Variants in PPIF observed in about 807,000 individuals in gnomAD.
PPIF encodes peptidylprolyl isomerase F, also known as peptidyl-prolyl cis-trans isomerase F, mitochondrial.
PPIF carries 23 observed loss-of-function variants against 20.2 expected under a neutral mutation model. The observed-to-expected ratio is 1.14, with a 90% CI of 0.82 to 1.61. The LOEUF is 1.61. Among genes scored for constraint, PPIF ranks in the 40% most tolerant of loss-of-function variants. The pLI, the probability that PPIF is intolerant of heterozygous loss-of-function variation, is 0.00. For missense variants in PPIF, 287 were observed against 291.6 expected, an observed-to-expected ratio of 0.98 and a Z score of 0.11; for synonymous variants, 113 against 123.1, an observed-to-expected ratio of 0.92 and a Z score of 0.54.
Position 79,354,457 on chromosome 10 carries a change from G to A in PPIF, c.*615G>A, listed in dbSNP as rs1856023564. ...TTGGTTTGCTGCTGTCGTTTTTGAG[G>A]AGGGCCCATGGGGGTAGGAGCAGTT... is the stretch of plus-strand genomic sequence containing the variant. On this transcript the variant is annotated 3_prime_UTR_variant, in exon 6 of 6. Coordinates refer to ENST00000225174, the MANE Select transcript of PPIF (RefSeq NM_005729.4). The A allele has an allele frequency of 6.5e-6, 1 of 154,190 alleles. No homozygotes were observed. The highest frequency in any genetic ancestry group is 1.4e-5 in the Non-Finnish European group (1 of 69,066). The allele number at this position is 154,190 out of a possible 1,614,324, so 9.6% of individuals were successfully genotyped here.
chr10:79,352,436 G>T (rs1855996223), intron 5 of PPIF, 44 bp downstream of exon 5: 1 of 1,580,906 alleles, frequency 6.3e-7, no homozygotes, highest in East Asian at 2.2e-5. Context: ...GGGCAGCCTT[G>T]CAGCTGGAGG....
chr10:79,348,927 T>G, intron 1 of PPIF, 149 bp from the exon 2 acceptor site: 4 of 1,564,934 alleles, frequency 2.6e-6, no homozygotes, highest in Non-Finnish European at 2.6e-6. Flanking sequence ...CTGCCTCCCA[T>G]GGGGGTTGGC....
At position 79,349,066 on chromosome 10, in the gene PPIF, C is replaced by A. The variant is rs749903887; in HGVS notation, c.196-10C>A. The A allele has an allele frequency of 1.1e-5, 17 of 1,613,860 alleles. No homozygotes were observed. In the Admixed American group the frequency reaches 2.8e-4, roughly 27 times the overall value. On this transcript the variant is annotated splice_polypyrimidine_tract_variant and intron_variant, in intron 1 of 5. Coordinates refer to ENST00000225174, the MANE Select transcript of PPIF (RefSeq NM_005729.4). Reference sequence around the variant, plus strand: ...GACCATCCTCTTTTGTCCTTCTTCTCCCCCAACAGCTGAAGGCAGATGTCG... The same window carrying A: ...GACCATCCTCTTTTGTCCTTCTTCTACCCCAACAGCTGAAGGCAGATGTCG...
In PPIF at chr10:79,351,572, A is replaced by T. The variant is rs767778711; in HGVS notation, c.401A>T (p.His134Leu). 6.2e-7 allele frequency: 1 copy of T among 1,614,024 alleles called. No homozygotes were observed. The highest frequency in any genetic ancestry group is 1.1e-5 in the South Asian group (1 of 91,084). Reference sequence around the variant, plus strand: ...CCTGACGAGAACTTTACACTGAAGCACGTGGGGCCAGGTGAGTGGGGGCCT... The same window carrying T: ...CCTGACGAGAACTTTACACTGAAGCTCGTGGGGCCAGGTGAGTGGGGGCCT... ...RFPDENFTLKHVGPGVLSMAN... is the reference protein window; with the variant it reads ...RFPDENFTLKLVGPGVLSMAN... Residue 134 changes from histidine (H) to leucine (L), a missense_variant, in exon 4 of 6, where the codon CAC becomes CTC. Physicochemically the swap from His to Leu is moderately conservative, Grantham distance 99. Coordinates refer to ENST00000225174, the MANE Select transcript of PPIF (RefSeq NM_005729.4).
chr10:79,351,842 C>A, intron 4 of PPIF: 1 of 440,480 alleles, frequency 2.3e-6, no homozygotes, highest in Non-Finnish European at 4.0e-6. Context: ...GCCCTGGCCA[C>A]CTCCCTGTTT....
In PPIF at chr10:79,347,756, G is replaced by T; in HGVS notation, c.195+13G>T. The T allele has an allele frequency of 7.6e-7, 1 of 1,318,506 alleles. No individual in the cohort carries two copies. Among genetic ancestry groups the T allele is most frequent in the Non-Finnish European group, 9.7e-7 (1 of 1,026,088 alleles). The allele number at this position is 1,318,506 out of a possible 1,614,324, so 81.7% of individuals were successfully genotyped here. A position where few individuals can be genotyped will look rare whatever the true frequency, so the allele number is the denominator to read the frequency against. ...CGTGGTGCTGGAGGTGAGACCGCTC[G>T]CAGGGCCGGCCTGGGCGCGGGACAC... On this transcript the variant is annotated intron_variant, in intron 1 of 5. Transcript: ENST00000225174.
At chr10:79,348,997 T>G in intron 1 of PPIF, 79 bp from the exon 2 acceptor site, 1 of 1,612,076 alleles carries the variant, frequency 6.2e-7, no homozygotes, top group Non-Finnish European at 8.5e-7. Flanking sequence ...ACTGTGGGGG[T>G]GGGTGGGTGC....
In PPIF at chr10:79,354,052, T is replaced by A; in HGVS notation, c.*210T>A. The A allele has an allele frequency of 3.4e-6, 2 of 583,830 alleles. No homozygotes were observed. Among genetic ancestry groups the A allele is most frequent in the Non-Finnish European group, 6.0e-6 (2 of 331,048 alleles). The allele number at this position is 583,830 out of a possible 1,614,324, so 36.2% of individuals were successfully genotyped here. ...CCACCCTTCCTCACGACCTCATTTCTGGGCATCTTTGTGGACATGATGTCA... is the reference window on the plus strand; with the variant it reads ...CCACCCTTCCTCACGACCTCATTTCAGGGCATCTTTGTGGACATGATGTCA... On this transcript the variant is annotated 3_prime_UTR_variant, in exon 6 of 6. Transcript: ENST00000225174.
At chr10:79,348,675 C>T (rs1435836802) in intron 1 of PPIF, among the ~76,000 whole-genome samples, 2 of 152,218 alleles carry the variant, frequency 1.3e-5, no homozygotes, top group Admixed American at 6.5e-5. Flanking sequence ...TCCCCACACC[C>T]TCATGCCTCT....
At position 79,352,407 on chromosome 10, in the gene PPIF, C is replaced by T. The variant is rs186374621; in HGVS notation, c.488+15C>T. 14 of 1,611,406 alleles carry T rather than the reference C, an allele frequency of 8.7e-6. No individual in the cohort carries two copies. The Admixed American group carries it at 1.5e-4, about 17-fold the overall frequency. ...AAGACAGACTGGTGAGTTCCCTGCC[C>T]CAGGCCCTCTGGGAATGCGGGCAGC... On this transcript the variant is annotated intron_variant, in intron 5 of 5. Transcript: ENST00000225174.
intron 1 of PPIF, 45 bp from the exon 2 acceptor site, chr10:79,349,031 C>T (rs772450741): frequency 2.5e-6 from 4 of 1,613,640 alleles, no homozygotes; most frequent in Non-Finnish European, 3.4e-6. Context: ...CCTTCACCTG[C>T]CTCTCCAATG....
At chr10:79,349,226 A>G in intron 2 of PPIF, 120 bp downstream of exon 2, 2 of 1,598,036 alleles carry the variant, frequency 1.3e-6, no homozygotes, top group South Asian at 2.2e-5. Flanking sequence ...TGGGAGCTCC[A>G]TGTGTGGCTC....
At chr10:79,350,459 A>G (rs557821528) in intron 3 of PPIF, among the ~76,000 whole-genome samples, 2 of 151,974 alleles carry the variant, frequency 1.3e-5, no homozygotes, top group East Asian at 1.9e-4. Context: ...CTCTTTGAAG[A>G]CCTTCCTGCC....
chr10:79,349,612 A>ACCCTGGAATTGGGGCCTGG, intron 2 of PPIF, 53 bp from the exon 3 acceptor site: 1 of 1,609,418 alleles, frequency 6.2e-7, no homozygotes, highest in Non-Finnish European at 8.5e-7. Context: ...AACGGGTATG[A>ACCCTGGAATTGGGGCCTGG]CCCTGGAATT....
chr10:79,349,369 C>T (rs918861381), intron 2 of PPIF, among the ~76,000 whole-genome samples: 2 of 152,238 alleles, frequency 1.3e-5, no homozygotes, highest in African/African-American at 4.8e-5. Context: ...GAGACTTCCC[C>T]ACTCCTGGTG....
At chr10:79,352,856 G>A (rs1332247934) in intron 5 of PPIF, among the ~76,000 whole-genome samples, 2 of 152,214 alleles carry the variant, frequency 1.3e-5, no homozygotes, top group African/African-American at 4.8e-5. Context: ...TGAAGCCTCT[G>A]TATTATCATA....
At chr10:79,349,933 A>C in intron 3 of PPIF, 180 bp downstream of exon 3, 1 of 1,362,374 alleles carries the variant, frequency 7.3e-7, no homozygotes, top group Non-Finnish European at 9.7e-7. Flanking sequence ...GCCCAGCCCC[A>C]ACCCGCTGCC....
Position 79,354,075 on chromosome 10 carries a change from T to TCACC in PPIF, c.*239_*242dup, listed in dbSNP as rs889242086. On this transcript the variant is annotated 3_prime_UTR_variant, in exon 6 of 6. Transcript: ENST00000225174. ...TCTGGGCATCTTTGTGGACATGATG[T>TCACC]CACCCACCCCTTGTCAAGCATTGCC... 7.3e-6 allele frequency: 4 copies of TCACC among 548,884 alleles called. No individual in the cohort carries two copies. Among genetic ancestry groups the TCACC allele is most frequent in the Non-Finnish European group, 1.3e-5 (4 of 306,012 alleles). 34.0% of individuals were successfully genotyped at this position (548,884 alleles called of 1,614,324 possible).
At chr10:79,349,853 T>C in intron 3 of PPIF, 100 bp downstream of exon 3, 1 of 1,559,654 alleles carries the variant, frequency 6.4e-7, no homozygotes, top group Non-Finnish European at 8.7e-7. Context: ...GCAGAGCAGC[T>C]GCAGTTGCTC....
Sources: allele counts gnomAD v4.1 joint callset (sites outside exome capture counted in the v4.1 genomes callset), GRCh38; gene constraint gnomAD v4.1.1; transcripts MANE v1.5; gene names NCBI Gene and HGNC (gene_info 2026-07-23, HGNC 2026-07-21).